The following CDH4 variants were observed in gnomAD, a reference collection of about 807,000 sequenced individuals.
CDH4 encodes cadherin 4, also known as cadherin-4.
Under a neutral mutation model 86.0 loss-of-function variants are expected in CDH4, and 33 were observed. That is an observed-to-expected ratio of 0.38 (90% CI 0.29 to 0.51). The LOEUF (loss-of-function observed/expected upper bound fraction) is 0.51, where lower values mean the gene tolerates loss of function less well. Ranked by LOEUF, CDH4 falls within the 20% of genes least tolerant of loss-of-function variation. The pLI is 0.86. For missense variants in CDH4, 1,114 were observed against 1,307.4 expected (o/e 0.85, Z 2.28); for synonymous variants, 555 against 549.4 (o/e 1.01, Z -0.14).
At chr20:61,932,064 G>C (rs967429466) in intron 13 of CDH4, among the ~76,000 whole-genome samples, 2 of 152,124 alleles carry the variant, frequency 1.3e-5, no homozygotes, top group African/African-American at 2.4e-5. Context: ...TCCCAGGGCA[G>C]AGCCTCTTTC....
intron 2 of CDH4, among the ~76,000 whole-genome samples, chr20:61,648,484 A>C (rs773842981): frequency 2.0e-5 from 3 of 152,158 alleles, no homozygotes; most frequent in Non-Finnish European, 4.4e-5. Context: ...GCAGCTCCTC[A>C]CAGGGCCAGC....
intron 6 of CDH4, among the ~76,000 whole-genome samples, chr20:61,869,164 C>G (rs1393319836): frequency 1.3e-5 from 2 of 152,136 alleles, no homozygotes; most frequent in African/African-American, 2.4e-5. Flanking sequence ...TAAGGTCTTC[C>G]CTTGGTAGAA....
At chr20:61,889,599 G>C in intron 7 of CDH4, among the ~76,000 whole-genome samples, 2 of 8,762 alleles carry the variant, frequency 2.3e-4, no homozygotes, top group Non-Finnish European at 7.7e-4. Flanking sequence ...GTGGATGGAT[G>C]GATGATGGGT....
intron 2 of CDH4, among the ~76,000 whole-genome samples, chr20:61,628,446 C>CATTA (rs2145784321): frequency 6.6e-6 from 1 of 152,320 alleles, no homozygotes; most frequent in African/African-American, 2.4e-5. Context: ...TTCATTCATT[C>CATTA]ATTCATTCCT....
intron 2 of CDH4, among the ~76,000 whole-genome samples, chr20:61,589,761 C>A (rs572897282): frequency 7.6e-4 from 115 of 152,016 alleles, no homozygotes; most frequent in African/African-American, 2.5e-3. Context: ...TCCCCTCTCC[C>A]CCCATATTTA....
intron 2 of CDH4, among the ~76,000 whole-genome samples, chr20:61,457,384 G>T (rs1252217658): frequency 6.6e-6 from 1 of 152,234 alleles, no homozygotes; most frequent in Non-Finnish European, 1.5e-5. Context: ...AGCCAGAGAT[G>T]TGAACAGGAT....
chr20:61,632,782 G>C (rs138057278), intron 2 of CDH4, among the ~76,000 whole-genome samples: 12 of 142,310 alleles, frequency 8.4e-5, no homozygotes, highest in African/African-American at 3.2e-4. Context: ...CCACTGACCC[G>C]TCTGCCTATC....
At chr20:61,854,456 T>C (rs1315495751) in intron 6 of CDH4, among the ~76,000 whole-genome samples, 1 of 148,422 alleles carries the variant, frequency 6.7e-6, no homozygotes, top group Non-Finnish European at 1.5e-5. Flanking sequence ...AATTGTGCCT[T>C]TGGCCCACCC....
intron 4 of CDH4, among the ~76,000 whole-genome samples, chr20:61,783,806 C>T (rs1230325762): frequency 5.9e-5 from 5 of 84,344 alleles, no homozygotes; most frequent in Admixed American, 1.3e-4. Context: ...TGTCTTGTGC[C>T]CCCAAGAGAA....
intron 4 of CDH4, among the ~76,000 whole-genome samples, chr20:61,814,000 G>A (rs935803808): frequency 3.9e-5 from 6 of 152,308 alleles, no homozygotes; most frequent in Admixed American, 1.3e-4. Flanking sequence ...TGGCTCCCAG[G>A]CCATCCCCAT....
intron 2 of CDH4, among the ~76,000 whole-genome samples, chr20:61,357,323 G>A (rs1211121875): frequency 6.6e-6 from 1 of 152,176 alleles, no homozygotes; most frequent in Non-Finnish European, 1.5e-5. Flanking sequence ...GCAGGGCAGA[G>A]GAGGACCGGC....
chr20:61,806,231 G>T (rs1017345438), intron 4 of CDH4, among the ~76,000 whole-genome samples: 1 of 152,196 alleles, frequency 6.6e-6, no homozygotes, highest in African/African-American at 2.4e-5. Context: ...GCCAGGCGTC[G>T]TGGCCTGCCT....
At chr20:61,574,776 T>C (rs921882176) in intron 2 of CDH4, among the ~76,000 whole-genome samples, 1 of 152,164 alleles carries the variant, frequency 6.6e-6, no homozygotes, top group Non-Finnish European at 1.5e-5. Context: ...CTCTGTGGGC[T>C]CTGGACCCCT....
intron 2 of CDH4, among the ~76,000 whole-genome samples, chr20:61,293,649 CCT>C (rs1266237382): frequency 2.0e-5 from 3 of 152,202 alleles, no homozygotes; most frequent in Non-Finnish European, 4.4e-5. Context: ...GTGTTAGAAT[CCT>C]CTTTCTCCAA....
At chr20:61,898,381 G>T (rs186956823) in intron 8 of CDH4, among the ~76,000 whole-genome samples, 1 of 152,226 alleles carries the variant, frequency 6.6e-6, no homozygotes, top group Non-Finnish European at 1.5e-5. Flanking sequence ...GCTGAGTGGG[G>T]ACCCTCGGCC....
intron 4 of CDH4, among the ~76,000 whole-genome samples, chr20:61,841,993 G>A (rs894619541): frequency 1.3e-5 from 2 of 152,238 alleles, no homozygotes; most frequent in Non-Finnish European, 2.9e-5. Flanking sequence ...GCTCTGGTGT[G>A]CAAATGCGAA....
At chr20:61,329,486 C>G (rs1298188935) in intron 2 of CDH4, among the ~76,000 whole-genome samples, 3 of 129,948 alleles carry the variant, frequency 2.3e-5, no homozygotes, top group Admixed American at 1.8e-4. Context: ...GTGAGTGGCT[C>G]TTCTGCCCTT....
chr20:61,673,449 T>C (rs111437216), intron 2 of CDH4, among the ~76,000 whole-genome samples: 2,666 of 152,322 alleles, frequency 0.018, 88 homozygotes, highest in African/African-American at 0.062. Context: ...GCTGCGTGCC[T>C]GGGCCCTGCC....
At chr20:61,691,826 G>A (rs534374494) in intron 2 of CDH4, among the ~76,000 whole-genome samples, 1 of 152,334 alleles carries the variant, frequency 6.6e-6, no homozygotes, top group Admixed American at 6.5e-5. Context: ...TGTCACTGGT[G>A]GAGACGTCCT....
Sources: allele counts gnomAD v4.1 joint callset (sites outside exome capture counted in the v4.1 genomes callset), GRCh38; gene constraint gnomAD v4.1.1; transcripts MANE v1.5; gene names NCBI Gene and HGNC (gene_info 2026-07-23, HGNC 2026-07-21).